TSPAN9: variants seen among roughly 807,000 people sequenced by gnomAD.
The protein encoded by TSPAN9 is tetraspanin 9.
In TSPAN9, 16 loss-of-function variants were observed where a neutral mutation model predicts 31.0. That is an observed-to-expected ratio of 0.52 (90% CI 0.35 to 0.78). TSPAN9 has a LOEUF of 0.78. Among genes scored for constraint, TSPAN9 ranks in the 30% least tolerant of loss-of-function variants. TSPAN9 has a pLI of 0.01. For synonymous variants in TSPAN9, 145 were observed against 121.6 expected, an observed-to-expected ratio of 1.19 and a Z score of -1.27; for missense variants, 272 against 312.5, an observed-to-expected ratio of 0.87 and a Z score of 0.98.
intron 2 of TSPAN9, among the ~76,000 whole-genome samples, chr12:3,085,233 G>A (rs1028920261): frequency 2.0e-5 from 3 of 151,782 alleles, no homozygotes; most frequent in African/African-American, 7.3e-5. Context: ...GGCAGAGAGG[G>A]AAGGACTTAA....
intron 3 of TSPAN9, among the ~76,000 whole-genome samples, chr12:3,252,394 T>C (rs1862259852): frequency 6.6e-6 from 1 of 152,202 alleles, no homozygotes; most frequent in African/African-American, 2.4e-5. Flanking sequence ...GGAATGTTCA[T>C]CCGTGGCAGG....
intron 3 of TSPAN9, among the ~76,000 whole-genome samples, chr12:3,233,959 T>C (rs1438382880): frequency 6.6e-6 from 1 of 152,130 alleles, no homozygotes; most frequent in African/African-American, 2.4e-5. Flanking sequence ...CTTCCAGCAC[T>C]CCCATCTCGG....
At position 3,170,615 on chromosome 12, in the gene TSPAN9, G is replaced by C. The variant is rs112111548; in HGVS notation, c.-17-30562G>C. Among the ~76,000 whole-genome samples the C allele has an allele frequency of 2.4e-4, 37 of 152,200 alleles. No homozygotes were observed. Among genetic ancestry groups the C allele is most frequent in the African/African-American group, 8.4e-4 (35 of 41,508 alleles). On this transcript the variant is annotated intron_variant, in intron 2 of 8. Coordinates refer to ENST00000011898, the MANE Select transcript of TSPAN9 (RefSeq NM_006675.5). The surrounding 1 kb of genome is among the most constrained non-coding windows in gnomAD (Gnocchi z 4.4). ...GTGGGGGGGTCGTGATGGGGGAGCAGATGGCCCTGGTCATGCATGTGGCTT... is the reference window on the plus strand; with the variant it reads ...GTGGGGGGGTCGTGATGGGGGAGCACATGGCCCTGGTCATGCATGTGGCTT...
chr12:3,089,785 A>C (rs771979674), intron 2 of TSPAN9, among the ~76,000 whole-genome samples: 24 of 152,012 alleles, frequency 1.6e-4, no homozygotes, highest in Non-Finnish European at 2.8e-4. Flanking sequence ...GCATACCTGT[A>C]GTCCCAGCCA....
intron 3 of TSPAN9, among the ~76,000 whole-genome samples, chr12:3,230,434 C>T (rs1172411409): frequency 2.0e-5 from 3 of 152,092 alleles, no homozygotes; most frequent in Admixed American, 1.3e-4. Context: ...TTTTCCCTGC[C>T]TGCCTTCACC....
intron 3 of TSPAN9, among the ~76,000 whole-genome samples, chr12:3,206,579 CTTTTG>C (rs1268713046): frequency 2.0e-5 from 3 of 151,834 alleles, no homozygotes; most frequent in Non-Finnish European, 2.9e-5. Context: ...AACAGCCTTC[CTTTTG>C]TTTTGTTTTG....
chr12:3,213,921 AC>A (rs2098380089), intron 3 of TSPAN9, among the ~76,000 whole-genome samples: 1 of 152,104 alleles, frequency 6.6e-6, no homozygotes, highest in Non-Finnish European at 1.5e-5. Flanking sequence ...TTTCCTCCCC[AC>A]TCCTACAAAT....
Position 3,087,622 on chromosome 12 carries a change from A to G in TSPAN9, c.-18+3903A>G, listed in dbSNP as rs1280520603. Among the ~76,000 whole-genome samples the G allele has an allele frequency of 2.0e-5, 3 of 152,248 alleles. No homozygotes were observed. In the East Asian group the frequency reaches 5.8e-4, roughly 29 times the overall value. On this transcript the variant is annotated intron_variant, in intron 2 of 8. Transcript: ENST00000011898. Reference sequence around the variant, plus strand: ...AGAGTTCGAGATCAGCTTGGCCAACATGGTGAAACCCCATCTCTACTAAAA... The same window carrying G: ...AGAGTTCGAGATCAGCTTGGCCAACGTGGTGAAACCCCATCTCTACTAAAA...
At chr12:3,087,196 C>T (rs1254194849) in intron 2 of TSPAN9, among the ~76,000 whole-genome samples, 3 of 152,132 alleles carry the variant, frequency 2.0e-5, no homozygotes, top group Non-Finnish European at 4.4e-5. Context: ...TTTTGGCACT[C>T]AGTGGAGGGG....
At position 3,280,340 on chromosome 12, in the gene TSPAN9, G is replaced by A. The variant is rs375588314; in HGVS notation, c.331-42G>A. 3.1e-5 allele frequency: 49 copies of A among 1,584,378 alleles called. No homozygotes were observed. The highest frequency in any genetic ancestry group is 2.2e-4 in the East Asian group (10 of 44,738). On this transcript the variant is annotated intron_variant, in intron 5 of 8. Coordinates refer to ENST00000011898, the MANE Select transcript of TSPAN9 (RefSeq NM_006675.5). This position sits in a 1 kb window ranked among gnomAD's most constrained non-coding sequence, Gnocchi z 4.5. Reference sequence around the variant, plus strand: ...GAGGTGGGCTGGAGAGACGAGCTGCGTCCTGGTTCCAACCGTCTCACTGTG... The same window carrying A: ...GAGGTGGGCTGGAGAGACGAGCTGCATCCTGGTTCCAACCGTCTCACTGTG...
intron 3 of TSPAN9, among the ~76,000 whole-genome samples, chr12:3,268,317 C>T (rs1261362201): frequency 7.5e-6 from 1 of 133,328 alleles, no homozygotes; most frequent in African/African-American, 2.9e-5. Context: ...TGCAGCCTGC[C>T]CTCTCTGTGT....
chr12:3,118,169 G>A (rs1197154141), intron 2 of TSPAN9, among the ~76,000 whole-genome samples: 3 of 150,760 alleles, frequency 2.0e-5, no homozygotes, highest in African/African-American at 7.3e-5. Context: ...GAACCCCCCC[G>A]GCATGTAGAA....
intron 3 of TSPAN9, among the ~76,000 whole-genome samples, chr12:3,222,567 G>T (rs561230194): frequency 6.6e-6 from 1 of 152,296 alleles, no homozygotes; most frequent in Admixed American, 6.5e-5. Context: ...AAACCCGGCT[G>T]CCTCTCTGGA....
chr12:3,119,116 G>A (rs186783483), intron 2 of TSPAN9, among the ~76,000 whole-genome samples: 3 of 152,286 alleles, frequency 2.0e-5, no homozygotes, highest in Admixed American at 2.0e-4. Context: ...CCACAAATGG[G>A]TATTCTCCAA....
At chr12:3,235,100 G>C (rs890475490) in intron 3 of TSPAN9, among the ~76,000 whole-genome samples, 7 of 139,810 alleles carry the variant, frequency 5.0e-5, no homozygotes, top group African/African-American at 1.9e-4. Context: ...CCCGGAGATG[G>C]AGCTTGCAGT....
rs1330798079 is a variant in TSPAN9 at position 3,281,314 on chromosome 12, G to A, written c.549G>A (p.Thr183=). ...AGGGCTGCGGGCGCAACGCCACCACGCCTTTGTGGAGAACGGTGAGGCTGG... is the reference window on the plus strand; with the variant it reads ...AGGGCTGCGGGCGCAACGCCACCACACCTTTGTGGAGAACGGTGAGGCTGG... ...NSQGCGRNAT[T]PLWRTGCYEK... The change falls in exon 7 of 9, where the codon ACG becomes ACA. Residue 183 remains threonine, a synonymous_variant. Coordinates refer to ENST00000011898, the MANE Select transcript of TSPAN9 (RefSeq NM_006675.5). 3.9e-6 allele frequency: 6 copies of A among 1,550,656 alleles called. No individual in the cohort carries two copies. The highest frequency in any genetic ancestry group is 4.4e-6 in the Non-Finnish European group (5 of 1,146,674).
intron 2 of TSPAN9, among the ~76,000 whole-genome samples, chr12:3,116,265 T>G (rs1276981629): frequency 6.6e-6 from 1 of 152,160 alleles, no homozygotes; most frequent in Non-Finnish European, 1.5e-5. Context: ...GGCTTCAGAC[T>G]GGGGTTCACA....
At chr12:3,254,329 C>G (rs1862307173) in intron 3 of TSPAN9, among the ~76,000 whole-genome samples, 1 of 152,202 alleles carries the variant, frequency 6.6e-6, no homozygotes, top group African/African-American at 2.4e-5. Context: ...GGCCCCTGCC[C>G]CACCCCCTCA....
intron 2 of TSPAN9, among the ~76,000 whole-genome samples, chr12:3,109,266 G>GTC: frequency 8.9e-6 from 1 of 112,200 alleles, no homozygotes; most frequent in Middle Eastern, 4.0e-3. Flanking sequence ...GTTTCATATA[G>GTC]TCTGTGTGTG....
Sources: allele counts gnomAD v4.1 joint callset (sites outside exome capture counted in the v4.1 genomes callset), GRCh38; gene constraint gnomAD v4.1.1; non-coding constraint Gnocchi (gnomAD v3.1); transcripts MANE v1.5; gene names NCBI Gene and HGNC (gene_info 2026-07-23, HGNC 2026-07-21).